GRPEL1: variants seen among roughly 807,000 people sequenced by gnomAD.
The protein encoded by GRPEL1 is grpE protein homolog 1, mitochondrial.
A neutral mutation model predicts 22.1 loss-of-function variants in GRPEL1; 13 were observed. That is an observed-to-expected ratio of 0.59 (90% CI 0.38 to 0.94). The LOEUF is 0.94. GRPEL1 is among the 40% of genes least tolerant of loss of function. GRPEL1 has a pLI of 0.00. For synonymous variants in GRPEL1, 109 were observed against 105.3 expected, an observed-to-expected ratio of 1.03 and a Z score of -0.21; for missense variants, 289 against 264.6, an observed-to-expected ratio of 1.09 and a Z score of -0.64.
rs774985818 is a variant in GRPEL1, at chr4:7,061,165, A to G, written c.351T>C (p.Val117=). 1.2e-6 allele frequency: 2 copies of G among 1,613,648 alleles called. No individual in the cohort carries two copies. Among genetic ancestry groups the G allele is most frequent in the South Asian group, 2.2e-5 (2 of 91,042 alleles). ...FCKDLLEVAD[V]LEKATQCVPK... is the part of the protein sequence containing the mutation. ...GAACACACTGTGTTGCCTTCTCCAG[A>G]ACGTCTGCCACCTCCAACAAGTCCT... Residue 117 remains valine (V), a synonymous_variant, in exon 4 of 4, where the codon GTT becomes GTC. Coordinates refer to ENST00000264954, the MANE Select transcript of GRPEL1 (RefSeq NM_025196.4).
chr4:7,062,728 G>A (rs1443384027), intron 2 of GRPEL1, among the ~76,000 whole-genome samples: 1 of 151,986 alleles, frequency 6.6e-6, no homozygotes, highest in Non-Finnish European at 1.5e-5. Flanking sequence ...TAGCCAGGAT[G>A]GTCTCCATCT....
intron 3 of GRPEL1, 61 bp downstream of exon 3, chr4:7,062,323 CT>C: frequency 1.2e-6 from 1 of 831,520 alleles, no homozygotes; most frequent in Non-Finnish European, 2.0e-6. Context: ...TATGCATGGC[CT>C]TCCCCTTCCC....
intron 1 of GRPEL1, among the ~76,000 whole-genome samples, chr4:7,066,104 G>A (rs1560401859): frequency 1.3e-5 from 2 of 152,056 alleles, no homozygotes; most frequent in East Asian, 3.9e-4. Context: ...TGATCCGCCC[G>A]CACCCGGCCA....
chr4:7,062,780 G>A (rs1032519218), intron 2 of GRPEL1, among the ~76,000 whole-genome samples: 2 of 152,030 alleles, frequency 1.3e-5, no homozygotes, highest in South Asian at 2.1e-4. Flanking sequence ...CCAAAGTGCT[G>A]GGATTACAGG....
chr4:7,067,966 C>A lies in GRPEL1; in HGVS notation c.62+5G>T. ...CTCCACCCAGGGAGACCAAGTGCCCCTTACCTGAGAGACAACGCCAAAGCA... is the reference window on the plus strand; with the variant it reads ...CTCCACCCAGGGAGACCAAGTGCCCATTACCTGAGAGACAACGCCAAAGCA... On this transcript the variant is annotated splice_donor_5th_base_variant and intron_variant, in intron 1 of 3. Transcript: ENST00000264954. The A allele has an allele frequency of 6.2e-7, 1 of 1,613,432 alleles. No homozygotes were observed. Among genetic ancestry groups the A allele is most frequent in the African/African-American group, 1.3e-5 (1 of 75,056 alleles).
chr4:7,061,281 G>A, intron 3 of GRPEL1, 73 bp from the exon 4 acceptor site: 1 of 1,167,488 alleles, frequency 8.6e-7, no homozygotes, highest in Non-Finnish European at 1.2e-6. Flanking sequence ...GAGCACTGCT[G>A]ACCTGATGTG....
At chr4:7,064,427 A>C in intron 1 of GRPEL1, 1 of 456,026 alleles carries the variant, frequency 2.2e-6, no homozygotes, top group South Asian at 4.2e-5. Context: ...AGTCATATAC[A>C]ATGTGCCTTT....
rs199517383 is a variant in GRPEL1, at chr4:7,060,927, C to T, written c.589G>A (p.Val197Met). 3.3e-5 allele frequency: 53 copies of T among 1,614,226 alleles called. No homozygotes were observed. Among genetic ancestry groups the T allele is most frequent in the Non-Finnish European group, 4.5e-5 (53 of 1,180,038 alleles). Reference protein sequence around the residue: ...EPGTVALVSKVGYKLHGRTLR... With the variant: ...EPGTVALVSKMGYKLHGRTLR... ...GTGCGCCCATGCAGCTTGTACCCCA[C>T]TTTGCTAACTAGGGCCACTGTGCCT... Residue 197 changes from valine to methionine, a missense_variant, in exon 4 of 4, where the codon GTG becomes ATG. Physicochemically the swap from Val to Met is conservative, Grantham distance 21. Transcript: ENST00000264954.
At chr4:7,062,275 G>C in intron 3 of GRPEL1, 110 bp downstream of exon 3, 1 of 345,222 alleles carries the variant, frequency 2.9e-6, no homozygotes, top group East Asian at 5.0e-5. Context: ...GCAACAGCTG[G>C]ACCCCCCACC....
chr4:7,059,144 A>C lies in GRPEL1; in HGVS notation c.*1718T>G, dbSNP rs1723970037. On this transcript the variant is annotated 3_prime_UTR_variant, in exon 4 of 4. Coordinates refer to ENST00000264954, the MANE Select transcript of GRPEL1 (RefSeq NM_025196.4). ...TTCTCAGAACACATCCCTGTGGTTA[A>C]GCCATGCTTGACTATATTCCAAAAT... is the stretch of plus-strand genomic sequence containing the variant. The C allele has an allele frequency of 6.6e-6, 1 of 152,238 alleles. No homozygotes were observed. Among genetic ancestry groups the C allele is most frequent in the South Asian group, 2.1e-4 (1 of 4,830 alleles). The allele number at this position is 152,238 out of a possible 1,614,324, so 9.4% of individuals were successfully genotyped here. A position where few individuals can be genotyped will look rare whatever the true frequency, so the allele number is the denominator to read the frequency against.
rs145140579 is a variant in GRPEL1, at chr4:7,061,207, G to T, written c.309C>A (p.Gly103=). 3 of 1,605,046 alleles carry T rather than the reference G, an allele frequency of 1.9e-6. No individual in the cohort carries two copies. In the African/African-American group the frequency reaches 4.0e-5, roughly 22 times the overall value. ...QKLVEEAKLY[G]IQAFCKDLLE... is the part of the protein sequence containing the mutation. ...ACAAGTCCTTGCAGAAGGCTTGAAT[G>T]CCTGGATGAAGTTAAAGAAGATCAT... The change falls in exon 4 of 4, where the codon GGC becomes GGA. Residue 103 remains glycine, a splice_region_variant and synonymous_variant. Transcript: ENST00000264954.
rs1407187104 is a variant in GRPEL1 at position 7,060,513 on chromosome 4, G to A, written c.*349C>T. 1 of 248,424 alleles carries A rather than the reference G, an allele frequency of 4.0e-6. No homozygotes were observed. Among genetic ancestry groups the A allele is most frequent in the African/African-American group, 2.2e-5 (1 of 45,080 alleles). The allele number at this position is 248,424 out of a possible 1,614,324, so 15.4% of individuals were successfully genotyped here. ...ACATGGTGCAGACTGGCGTGCCCAG[G>A]TAGCCAAACAGAATTCCCCAAGACC... On this transcript the variant is annotated 3_prime_UTR_variant, in exon 4 of 4. Transcript: ENST00000264954.
In GRPEL1 at chr4:7,060,560, T is replaced by C. The variant is rs1383719173; in HGVS notation, c.*302A>G. On this transcript the variant is annotated 3_prime_UTR_variant, in exon 4 of 4. Transcript: ENST00000264954. ...GACCTTTTATTTGTTTAAAATACTT[T>C]GGTGTCAGCAGAGTCTGAGCAGACA... 2 of 377,700 alleles carry C rather than the reference T, an allele frequency of 5.3e-6. No homozygotes were observed. Among genetic ancestry groups the C allele is most frequent in the African/African-American group, 4.1e-5 (2 of 49,264 alleles). 23.4% of individuals were successfully genotyped at this position (377,700 alleles called of 1,614,324 possible).
In GRPEL1 at chr4:7,064,441, A is replaced by G. The variant is rs550804075; in HGVS notation, c.63-218T>C. 3.5e-5 allele frequency: 14 copies of G among 399,028 alleles called. No individual in the cohort carries two copies. The East Asian group carries it at 4.6e-4, about 13-fold the overall frequency. The allele number at this position is 399,028 out of a possible 1,614,324, so 24.7% of individuals were successfully genotyped here. A position where few individuals can be genotyped will look rare whatever the true frequency, so the allele number is the denominator to read the frequency against. On this transcript the variant is annotated intron_variant, in intron 1 of 3. Transcript: ENST00000264954. ...AAGTCATATACAATGTGCCTTTATT[A>G]GATCTAAGATAAACATATATATATT...
intron 1 of GRPEL1, among the ~76,000 whole-genome samples, chr4:7,066,700 C>G (rs1329149994): frequency 6.6e-6 from 1 of 152,180 alleles, no homozygotes; most frequent in African/African-American, 2.4e-5. Flanking sequence ...TTCACAGACC[C>G]CTTTCCGAAG....
Position 7,061,529 on chromosome 4 carries a change from C to G in GRPEL1, c.308-321G>C, listed in dbSNP as rs112423421. 8.2e-3 allele frequency: 2,291 copies of G among 280,484 alleles called. 55 individuals are homozygous for G. Among genetic ancestry groups the G allele is most frequent in the African/African-American group, 0.048 (2,154 of 45,116 alleles). The allele number at this position is 280,484 out of a possible 1,614,324, so 17.4% of individuals were successfully genotyped here. On this transcript the variant is annotated intron_variant, in intron 3 of 3. Coordinates refer to ENST00000264954, the MANE Select transcript of GRPEL1 (RefSeq NM_025196.4). Reference sequence around the variant, plus strand: ...TTAGGGGACTGGAACTCGGAAGATCCGAGTTTGAAGCTGAGACTTGTGTGT... The same window carrying G: ...TTAGGGGACTGGAACTCGGAAGATCGGAGTTTGAAGCTGAGACTTGTGTGT...
intron 2 of GRPEL1, among the ~76,000 whole-genome samples, chr4:7,062,763 C>T (rs936278308): frequency 1.3e-5 from 2 of 152,098 alleles, no homozygotes; most frequent in African/African-American, 2.4e-5. Flanking sequence ...CCGACCGCCT[C>T]GGCCTCCCAA....
At chr4:7,066,629 T>C (rs1201247876) in intron 1 of GRPEL1, among the ~76,000 whole-genome samples, 1 of 152,234 alleles carries the variant, frequency 6.6e-6, no homozygotes, top group Non-Finnish European at 1.5e-5. Context: ...GAAGCCCACC[T>C]TCCTCTCCAG....
In GRPEL1 at chr4:7,059,781, G is replaced by A. The variant is rs1380513942; in HGVS notation, c.*1081C>T. 6.6e-6 allele frequency: 1 copy of A among 152,198 alleles called. No individual in the cohort carries two copies. Among genetic ancestry groups the A allele is most frequent in the Non-Finnish European group, 1.5e-5 (1 of 68,042 alleles). 9.4% of individuals were successfully genotyped at this position (152,198 alleles called of 1,614,324 possible). ...AGCCCTGGATGACCGTGTAAATGAG[G>A]AACAGCCCTTTGGCAAGATGATTTT... is the stretch of plus-strand genomic sequence containing the variant. On this transcript the variant is annotated 3_prime_UTR_variant, in exon 4 of 4. Coordinates refer to ENST00000264954, the MANE Select transcript of GRPEL1 (RefSeq NM_025196.4).
Sources: allele counts gnomAD v4.1 joint callset (sites outside exome capture counted in the v4.1 genomes callset), GRCh38; gene constraint gnomAD v4.1.1; transcripts MANE v1.5; gene names NCBI Gene and HGNC (gene_info 2026-07-23, HGNC 2026-07-21).